The following MTOR variants were observed in gnomAD, a reference collection of about 807,000 sequenced individuals.
MTOR encodes mechanistic target of rapamycin kinase.
In MTOR, 70 loss-of-function variants were observed where a neutral mutation model predicts 319.8. The observed-to-expected ratio is 0.22, with a 90% CI of 0.18 to 0.27. The LOEUF (loss-of-function observed/expected upper bound fraction) is 0.27. Ranked by LOEUF, MTOR falls within the 10% of genes least tolerant of loss-of-function variation. MTOR has a pLI of 1.00. For synonymous variants in MTOR, 1,183 were observed against 1,211.4 expected (o/e 0.98, Z 0.49); for missense variants, 1,890 against 3,274.4 (o/e 0.58, Z 10.32).
At chr1:11,119,264 C>G (rs11121690) in intron 49 of MTOR, among the ~76,000 whole-genome samples, 1 of 151,436 alleles carries the variant, frequency 6.6e-6, no homozygotes, top group Admixed American at 6.6e-5. Context: ...AACCCTGTCT[C>G]TACTAAAAAT....
intron 19 of MTOR, among the ~76,000 whole-genome samples, chr1:11,223,198 A>G (rs1646724723): frequency 6.6e-6 from 1 of 151,614 alleles, no homozygotes; most frequent in Non-Finnish European, 1.5e-5. Flanking sequence ...TAGAGGGAAA[A>G]GGTAAATAAG....
intron 28 of MTOR, among the ~76,000 whole-genome samples, chr1:11,178,069 A>G (rs927943321): frequency 6.6e-6 from 1 of 152,164 alleles, no homozygotes; most frequent in African/African-American, 2.4e-5. Context: ...TCCCACTGAT[A>G]GATCCCATGG....
At chr1:11,190,047 G>C in intron 28 of MTOR, 1 of 1,457,734 alleles carries the variant, frequency 6.9e-7, no homozygotes, top group Non-Finnish European at 9.2e-7. Flanking sequence ...CACTACTGGG[G>C]CCTCTTTTGT....
chr1:11,117,684 CCT>C (rs769387781), intron 49 of MTOR, among the ~76,000 whole-genome samples: 2 of 152,048 alleles, frequency 1.3e-5, no homozygotes, highest in South Asian at 4.2e-4. Context: ...GACGATAGCC[CCT>C]GAGAAGGGAC....
At chr1:11,145,204 C>T (rs1643892540) in intron 32 of MTOR, 159 bp from the exon 33 acceptor site, 1 of 638,960 alleles carries the variant, frequency 1.6e-6, no homozygotes, top group Non-Finnish European at 2.8e-6. Flanking sequence ...AACTGAATGG[C>T]TTGAGAGGAG....
chr1:11,213,680 A>G (rs1646380211), intron 20 of MTOR, 114 bp from the exon 21 acceptor site: 1 of 971,912 alleles, frequency 1.0e-6, no homozygotes, highest in African/African-American at 1.6e-5. Flanking sequence ...GTCTGCGCCG[A>G]GATCAACTCC....
chr1:11,127,489 G>A lies in MTOR; in HGVS notation c.6216+135C>T. 9.4e-7 allele frequency: 1 copy of A among 1,063,464 alleles called. No homozygotes were observed. The highest frequency in any genetic ancestry group is 1.3e-6 in the Non-Finnish European group (1 of 752,518). 65.9% of individuals were successfully genotyped at this position (1,063,464 alleles called of 1,614,324 possible). A position where few individuals can be genotyped will look rare whatever the true frequency, so the allele number is the denominator to read the frequency against. On this transcript the variant is annotated intron_variant, in intron 44 of 57. Coordinates refer to ENST00000361445, the MANE Select transcript of MTOR (RefSeq NM_004958.4). This position sits in a 1 kb window ranked among gnomAD's most constrained non-coding sequence, Gnocchi z 5.5. ...CTCGTTTTATTAAAGTCAGTGGAAA[G>A]GCCAGAGGAAAAGAAATCTGACAAA... is the stretch of plus-strand genomic sequence containing the variant.
intron 6 of MTOR, 39 bp downstream of exon 6, chr1:11,253,800 C>T (rs202112330): frequency 1.9e-6 from 3 of 1,612,774 alleles, no homozygotes; most frequent in African/African-American, 1.3e-5. Context: ...CAGAATGGTA[C>T]ACGGGGAGCC....
chr1:11,145,379 CT>C (rs372945218), intron 32 of MTOR: 839 of 263,128 alleles, frequency 3.2e-3, no homozygotes, highest in African/African-American at 4.5e-3. Flanking sequence ...GGGGATCTAC[CT>C]TTTTTTTTTC....
rs897833885 is a variant in MTOR, at chr1:11,243,128, C to G, written c.1398G>C (p.Lys466Asn). The change falls in exon 9 of 58, where the codon AAG becomes AAC. Residue 466 changes from lysine (K) to asparagine (N), a missense_variant. By Grantham distance (94) the Lys-to-Asn change is moderately conservative. This residue lies in a region of MTOR where 418 missense variants were observed against 543.1 expected (regional missense o/e 0.77). Coordinates refer to ENST00000361445, the MANE Select transcript of MTOR (RefSeq NM_004958.4). The stretch of plus-strand genomic sequence containing the variant: ...GAGGTGCTTACTTATGGGCGAAGTC[C>G]TTTGGGGGCAGGGCCGCTCGGATGA... ...LDIIRAALPPKDFAHKRQKAM... is the reference protein window; with the variant it reads ...LDIIRAALPPNDFAHKRQKAM... 6.2e-7 allele frequency: 1 copy of G among 1,614,074 alleles called. No individual in the cohort carries two copies. Among genetic ancestry groups the G allele is most frequent in the Admixed American group, 1.7e-5 (1 of 60,000 alleles).
In MTOR at chr1:11,117,550, GC is replaced by G. The variant is rs1642236057; in HGVS notation, c.6934-465del. The stretch of plus-strand genomic sequence containing the variant: ...ATTCACAATTCTAACAATGAACTAT[GC>G]CTTGAATTAAACTTAATTAGAAATG... On this transcript the variant is annotated intron_variant, in intron 49 of 57. Transcript: ENST00000361445. Among the ~76,000 whole-genome samples the G allele has an allele frequency of 2.0e-5, 3 of 152,238 alleles. No homozygotes were observed. In the South Asian group the frequency reaches 6.2e-4, roughly 32 times the overall value.
chr1:11,258,533 C>A lies in MTOR; in HGVS notation c.223G>T (p.Val75Phe), dbSNP rs759221567. The A allele has an allele frequency of 6.2e-7, 1 of 1,613,936 alleles. No individual in the cohort carries two copies. Among genetic ancestry groups the A allele is most frequent in the African/African-American group, 1.3e-5 (1 of 74,904 alleles). ...CTCTCATTGGCATCTGAGCTGGAAA[C>A]CAATTCAAAAATGTGATGGTTCAGT... ...DQLNHHIFEL[V>F]SSSDANERKG... The change falls in exon 3 of 58, where the codon GTT (valine) becomes TTT (phenylalanine). Residue 75 changes from valine to phenylalanine, a missense_variant. Physicochemically the swap from Val to Phe is conservative, Grantham distance 50. Around this residue, in one of 15 missense-constraint regions of MTOR, gnomAD observed 85 missense variants for 105.8 expected, o/e 0.80. Coordinates refer to ENST00000361445, the MANE Select transcript of MTOR (RefSeq NM_004958.4).
intron 19 of MTOR, among the ~76,000 whole-genome samples, chr1:11,226,097 C>A (rs1646826316): frequency 6.6e-6 from 1 of 152,080 alleles, no homozygotes; most frequent in African/African-American, 2.4e-5. Context: ...AGCATTCTTA[C>A]ATTAGAACAC....
At chr1:11,141,327 G>A (rs941540949) in intron 34 of MTOR, among the ~76,000 whole-genome samples, 10 of 151,746 alleles carry the variant, frequency 6.6e-5, no homozygotes, top group Admixed American at 6.6e-5. Context: ...TGCCAAGGCC[G>A]GTCTCAAACT....
At chr1:11,237,184 A>G (rs1255006883) in intron 13 of MTOR, among the ~76,000 whole-genome samples, 1 of 152,152 alleles carries the variant, frequency 6.6e-6, no homozygotes, top group Non-Finnish European at 1.5e-5. Flanking sequence ...AGGTGGAAAT[A>G]ACTTCACCAG....
rs763893588 is a variant in MTOR, at chr1:11,124,519, G to A, written c.6641C>T (p.Thr2214Ile). Residue 2214 changes from threonine to isoleucine, a missense_variant, in exon 47 of 58, where the codon ACA becomes ATA. By Grantham distance (89) the Thr-to-Ile change is moderately conservative (BLOSUM62 -1). Coordinates refer to ENST00000361445, the MANE Select transcript of MTOR (RefSeq NM_004958.4). ...ATACCTGAGGTTTTTCCGAAGAGATGTTGGGTCATTGGCCAGAAGGGTGTT... is the reference window on the plus strand; with the variant it reads ...ATACCTGAGGTTTTTCCGAAGAGATATTGGGTCATTGGCCAGAAGGGTGTT... ...LVNTLLANDP[T>I]SLRKNLSIQR... The A allele has an allele frequency of 6.2e-7, 1 of 1,609,086 alleles. No homozygotes were observed. Among genetic ancestry groups the A allele is most frequent in the Non-Finnish European group, 8.5e-7 (1 of 1,175,612 alleles).
chr1:11,157,842 T>A (rs1644364370), intron 29 of MTOR, among the ~76,000 whole-genome samples: 1 of 152,220 alleles, frequency 6.6e-6, no homozygotes, highest in Admixed American at 6.5e-5. Flanking sequence ...AACACATTTT[T>A]AAACTTTCAG....
chr1:11,241,721 C>T (rs1359443972), intron 9 of MTOR, 40 bp from the exon 10 acceptor site: 4 of 1,585,616 alleles, frequency 2.5e-6, no homozygotes, highest in African/African-American at 1.3e-5. Context: ...GACATAATGA[C>T]ATTCTTTAAT....
intron 29 of MTOR, among the ~76,000 whole-genome samples, chr1:11,161,525 G>A (rs1291645716): frequency 6.6e-6 from 1 of 152,186 alleles, no homozygotes; most frequent in Non-Finnish European, 1.5e-5. Context: ...CTAACTGGGA[G>A]GCACCTCCCA....
Sources: allele counts gnomAD v4.1 joint callset (sites outside exome capture counted in the v4.1 genomes callset), GRCh38; gene constraint gnomAD v4.1.1; regional missense constraint gnomAD v4.1.1; non-coding constraint Gnocchi (gnomAD v3.1); transcripts MANE v1.5; gene names NCBI Gene and HGNC (gene_info 2026-07-23, HGNC 2026-07-21).